The following RBM19 variants were observed in gnomAD, a reference collection of about 807,000 sequenced individuals.
The protein encoded by RBM19 is probable RNA-binding protein 19.
A neutral mutation model predicts 116.8 loss-of-function variants in RBM19; 94 were observed. That is an observed-to-expected ratio of 0.80 (90% confidence interval 0.68 to 0.95). The LOEUF is 0.95. RBM19 is among the 40% of genes least tolerant of loss of function. The pLI is 0.00. For missense variants in RBM19, 1,161 were observed against 1,220.7 expected, an observed-to-expected ratio of 0.95 and a Z score of 0.73; for synonymous variants, 475 against 494.1, an observed-to-expected ratio of 0.96 and a Z score of 0.51.
At position 113,935,756 on chromosome 12, in the gene RBM19, G is replaced by A. The variant is rs74237692; in HGVS notation, c.2068+1251C>T. 8.5e-5 allele frequency among the ~76,000 whole-genome samples: 13 copies of A among 152,302 alleles called. No homozygotes were observed. In the East Asian group the frequency reaches 1.9e-3, roughly 23 times the overall value. ...GTCTATTCCACTAAAATCTTAGACT[G>A]GGCGTGGTGGCTTATGCCTGTAATC... is the stretch of plus-strand genomic sequence containing the variant. On this transcript the variant is annotated intron_variant, in intron 16 of 23. Coordinates refer to ENST00000261741, the MANE Select transcript of RBM19 (RefSeq NM_016196.4).
At chr12:113,888,122 G>A (rs1880672860) in intron 21 of RBM19, among the ~76,000 whole-genome samples, 1 of 152,186 alleles carries the variant, frequency 6.6e-6, no homozygotes, top group African/African-American at 2.4e-5. Flanking sequence ...CCAACCATCA[G>A]AAAGCTGGAG....
At chr12:113,888,320 T>C (rs1391803386) in intron 21 of RBM19, among the ~76,000 whole-genome samples, 1 of 152,206 alleles carries the variant, frequency 6.6e-6, no homozygotes, top group African/African-American at 2.4e-5. Flanking sequence ...TGACATCACA[T>C]CCGTCAAAGA....
chr12:113,891,350 G>T lies in RBM19; in HGVS notation c.2558+23619C>A, dbSNP rs181313220. ...AGTCAACATTAGCACAACTTGTTTA[G>T]AAAAGCACCAATAAGCCCCAGGGAG... On this transcript the variant is annotated intron_variant, in intron 21 of 23. Transcript: ENST00000261741. Among the ~76,000 whole-genome samples, 53 of 152,322 alleles carry T rather than the reference G, an allele frequency of 3.5e-4. 1 individual carries two copies. Among genetic ancestry groups the T allele is most frequent in the Admixed American group, 2.0e-3 (31 of 15,304 alleles).
At chr12:113,891,306 G>A (rs758109993) in intron 21 of RBM19, among the ~76,000 whole-genome samples, 4 of 152,164 alleles carry the variant, frequency 2.6e-5, no homozygotes, top group Non-Finnish European at 5.9e-5. Flanking sequence ...TCAAACTTGG[G>A]CTGTTCCTCC....
intron 23 of RBM19, among the ~76,000 whole-genome samples, chr12:113,844,399 C>T (rs1335514635): frequency 6.6e-6 from 1 of 152,230 alleles, no homozygotes; most frequent in African/African-American, 2.4e-5. Flanking sequence ...TCTCTTCCTG[C>T]CAAGGCCCCC....
chr12:113,920,838 T>C, intron 18 of RBM19, 148 bp from the exon 19 acceptor site: 1 of 726,140 alleles, frequency 1.4e-6, no homozygotes, highest in Non-Finnish European at 2.4e-6. Flanking sequence ...AGCACCTGGC[T>C]TGCTGTTTAT....
chr12:113,911,907 G>A (rs1882452881), intron 21 of RBM19, among the ~76,000 whole-genome samples: 1 of 147,824 alleles, frequency 6.8e-6, no homozygotes, highest in Non-Finnish European at 1.5e-5. Context: ...AGGGGAAACT[G>A]AAGTCCGAAA....
intron 1 of RBM19, among the ~76,000 whole-genome samples, chr12:113,965,520 CA>C (rs150341104): frequency 6.6e-6 from 1 of 151,912 alleles, no homozygotes; most frequent in South Asian, 2.1e-4. Flanking sequence ...CATTTAAAAA[CA>C]AAAAAACAAA....
chr12:113,821,800 C>T (rs1051140885), downstream of RBM19, among the ~76,000 whole-genome samples: 2 of 152,114 alleles, frequency 1.3e-5, no homozygotes, highest in African/African-American at 2.4e-5. Flanking sequence ...TTTGTTTCCA[C>T]GAATTCTCAG....
At position 113,957,775 on chromosome 12, in the gene RBM19, C is replaced by A; in HGVS notation, c.840+7G>T. 6.4e-7 allele frequency: 1 copy of A among 1,571,458 alleles called. No individual in the cohort carries two copies. Among genetic ancestry groups the A allele is most frequent in the Non-Finnish European group, 8.6e-7 (1 of 1,157,618 alleles). ...CCTCCCTCATCACCTGCGGGATACA[C>A]ACGCACCTCGGCTCTGGCCTCCGGT... On this transcript the variant is annotated splice_region_variant and intron_variant, in intron 6 of 23. Transcript: ENST00000261741.
At chr12:113,904,227 A>G (rs1881897488) in intron 21 of RBM19, among the ~76,000 whole-genome samples, 1 of 152,162 alleles carries the variant, frequency 6.6e-6, no homozygotes, top group Admixed American at 6.5e-5. Context: ...GCCCTTGATA[A>G]GCACAGTGGA....
At chr12:113,945,598 G>C (rs141719954) in intron 13 of RBM19, among the ~76,000 whole-genome samples, 2,217 of 152,254 alleles carry the variant, frequency 0.015, 57 homozygotes, top group Admixed American at 0.021. Context: ...CACATTCTCC[G>C]GGGTGGCTCC....
intron 8 of RBM19, among the ~76,000 whole-genome samples, chr12:113,950,689 C>T (rs1871394599): frequency 6.6e-6 from 1 of 152,018 alleles, no homozygotes; most frequent in African/African-American, 2.4e-5. Flanking sequence ...AGGACCATTC[C>T]CCTGCTTTTC....
Position 113,915,040 on chromosome 12 carries a change from C to G in RBM19, c.2487G>C (p.Gln829His), listed in dbSNP as rs759136518. ...LARKKQVPRK[Q>H]TTSKILVRNI... is the part of the protein sequence containing the mutation. The stretch of plus-strand genomic sequence containing the variant: ...TCCGCACCAGGATCTTGGAGGTGGT[C>G]TGCTTTCTGGGAACTTGTTTCTTCC... Residue 829 changes from glutamine (Q) to histidine (H), a missense_variant, in exon 21 of 24, where the codon CAG (glutamine) becomes CAC (histidine). Physicochemically the swap from Gln to His is conservative, Grantham distance 24 (BLOSUM62 0). Coordinates refer to ENST00000261741, the MANE Select transcript of RBM19 (RefSeq NM_016196.4). 41 of 1,614,198 alleles carry G rather than the reference C, an allele frequency of 2.5e-5. No individual in the cohort carries two copies. The highest frequency in any genetic ancestry group is 3.5e-5 in the Non-Finnish European group (41 of 1,180,038).
chr12:113,921,068 T>C (rs1423135830), intron 18 of RBM19, among the ~76,000 whole-genome samples: 1 of 152,300 alleles, frequency 6.6e-6, no homozygotes, highest in East Asian at 1.9e-4. Context: ...CTAAAATGAA[T>C]ATGTGCGTGA....
In RBM19 at chr12:113,851,528, G is replaced by A. The variant is rs528493080; in HGVS notation, c.2665-6740C>T. ...GCAGCACGGACAGCTGAGGCTCTGG[G>A]CTCCCCTCAGGCACAGGCCTGGGCC... is the stretch of plus-strand genomic sequence containing the variant. On this transcript the variant is annotated intron_variant, in intron 22 of 23. Coordinates refer to ENST00000261741, the MANE Select transcript of RBM19 (RefSeq NM_016196.4). Among the ~76,000 whole-genome samples, 4 of 152,294 alleles carry A rather than the reference G, an allele frequency of 2.6e-5. No individual in the cohort carries two copies. In the South Asian group the frequency reaches 8.3e-4, roughly 32 times the overall value.
intron 18 of RBM19, among the ~76,000 whole-genome samples, chr12:113,922,881 A>G (rs1868716249): frequency 6.6e-6 from 1 of 152,148 alleles, no homozygotes; most frequent in South Asian, 2.1e-4. Flanking sequence ...CGCTTGTAAT[A>G]CCAGCACTTT....
intron 22 of RBM19, among the ~76,000 whole-genome samples, chr12:113,854,751 C>T (rs962219712): frequency 2.2e-4 from 34 of 152,140 alleles, no homozygotes; most frequent in Non-Finnish European, 3.8e-4. Context: ...AGTAACAGAC[C>T]GGGGTCTGGG....
At chr12:113,865,187 G>A (rs1453897397) in intron 21 of RBM19, among the ~76,000 whole-genome samples, 1 of 152,102 alleles carries the variant, frequency 6.6e-6, no homozygotes, top group Non-Finnish European at 1.5e-5. Context: ...ATCCACACTG[G>A]CTTTCCCCAT....
Sources: gnomAD v4.1 joint callset for allele counts (sites outside exome capture counted in the v4.1 genomes callset) on GRCh38, gnomAD v4.1.1 for gene constraint, MANE v1.5 for transcripts, NCBI Gene and HGNC (gene_info 2026-07-23, HGNC 2026-07-21) for gene names.